The following PDE3A variants were observed in gnomAD, a reference collection of about 807,000 sequenced individuals.
PDE3A encodes cGMP-inhibited 3',5'-cyclic phosphodiesterase 3A.
PDE3A carries 43 observed loss-of-function variants against 98.3 expected under a neutral mutation model. The ratio of observed to expected loss-of-function variants is 0.44; its 90% confidence interval spans 0.34 to 0.56. The LOEUF is 0.56. PDE3A is among the 20% of genes least tolerant of loss of function. The pLI is 0.01. For missense variants in PDE3A, 1,427 were observed against 1,440.7 expected, an observed-to-expected ratio of 0.99 and a Z score of 0.15; for synonymous variants, 663 against 567.9, an observed-to-expected ratio of 1.17 and a Z score of -2.38.
intron 15 of PDE3A, among the ~76,000 whole-genome samples, chr12:20,665,654 G>A (rs1945289377): frequency 6.6e-6 from 1 of 152,056 alleles, no homozygotes; most frequent in South Asian, 2.1e-4. Flanking sequence ...ATTTTCCAAA[G>A]TAGATGTAAA....
chr12:20,653,448 C>T (rs1038539923), intron 14 of PDE3A, among the ~76,000 whole-genome samples: 3 of 151,970 alleles, frequency 2.0e-5, no homozygotes, highest in Non-Finnish European at 4.4e-5. Flanking sequence ...CCGCAACCTC[C>T]GCCTCCTGGG....
intron 15 of PDE3A, among the ~76,000 whole-genome samples, chr12:20,676,498 C>CTTTT (rs60887487): frequency 6.4e-5 from 7 of 109,216 alleles, no homozygotes; most frequent in African/African-American, 1.4e-4. Flanking sequence ...ATGTCTTTGA[C>CTTTT]TTTTTTTTTT....
chr12:20,542,614 A>C (rs1355981339), intron 1 of PDE3A, among the ~76,000 whole-genome samples: 3 of 152,110 alleles, frequency 2.0e-5, no homozygotes, highest in African/African-American at 2.4e-5. Flanking sequence ...AATGCAATAC[A>C]TCACAATGTT....
chr12:20,635,908 G>A (rs574169783), intron 8 of PDE3A, among the ~76,000 whole-genome samples: 1 of 151,980 alleles, frequency 6.6e-6, no homozygotes, highest in South Asian at 2.1e-4. Context: ...CTATTATCTG[G>A]TGATTAGAAG....
intron 1 of PDE3A, among the ~76,000 whole-genome samples, chr12:20,416,125 T>TATGGATGCATACTGCATTGATG (rs1944418345): frequency 6.6e-6 from 1 of 152,212 alleles, no homozygotes; most frequent in Non-Finnish European, 1.5e-5. Context: ...AGCTCTGCAG[T>TATGGATGCATACTGCATTGATG]ATCCAAAGCA....
At chr12:20,674,336 A>C (rs1470735578) in intron 15 of PDE3A, among the ~76,000 whole-genome samples, 2 of 152,162 alleles carry the variant, frequency 1.3e-5, no homozygotes, top group African/African-American at 4.8e-5. Flanking sequence ...TACAATTTTG[A>C]ATAGCAGCAG....
chr12:20,483,302 T>C (rs1289234449), intron 1 of PDE3A, among the ~76,000 whole-genome samples: 1 of 152,118 alleles, frequency 6.6e-6, no homozygotes, highest in East Asian at 1.9e-4. Context: ...GCCAGGAGAA[T>C]TGTTTGAACC....
At position 20,687,544 on chromosome 12, in the gene PDE3A, T is replaced by C. The variant is rs1199534908; in HGVS notation, c.*7273T>C. On this transcript the variant is annotated 3_prime_UTR_variant, in exon 16 of 16. Transcript: ENST00000359062. Reference sequence around the variant, plus strand: ...ACTGTCAGTTTATGTCTTAATGTATTCTCACAGAAGAATGCATACCATTTT... The same window carrying C: ...ACTGTCAGTTTATGTCTTAATGTATCCTCACAGAAGAATGCATACCATTTT... Among the ~76,000 whole-genome samples, 1 of 152,028 alleles carries C rather than the reference T, an allele frequency of 6.6e-6. No homozygotes were observed. Among genetic ancestry groups the C allele is most frequent in the Non-Finnish European group, 1.5e-5 (1 of 67,962 alleles).
At chr12:20,506,602 T>C (rs892332682) in intron 1 of PDE3A, among the ~76,000 whole-genome samples, 2 of 152,232 alleles carry the variant, frequency 1.3e-5, no homozygotes, top group East Asian at 3.9e-4. Flanking sequence ...TTTATAATTT[T>C]ATAGACGAAT....
At chr12:20,412,949 C>T (rs972259215) in intron 1 of PDE3A, among the ~76,000 whole-genome samples, 1 of 152,192 alleles carries the variant, frequency 6.6e-6, no homozygotes, top group Non-Finnish European at 1.5e-5. Flanking sequence ...TATATTAGCT[C>T]ATACCACATA....
At chr12:20,533,727 CG>C (rs200715607) in intron 1 of PDE3A, among the ~76,000 whole-genome samples, 4 of 151,514 alleles carry the variant, frequency 2.6e-5, no homozygotes, top group Non-Finnish European at 4.4e-5. Context: ...TGATCCGCCC[CG>C]CCCCCCTTTG....
chr12:20,402,915 A>G (rs545537414), intron 1 of PDE3A, among the ~76,000 whole-genome samples: 3 of 152,304 alleles, frequency 2.0e-5, no homozygotes, highest in Admixed American at 2.0e-4. Flanking sequence ...TATATTTAAA[A>G]CTCAAAATAG....
At chr12:20,576,692 C>T (rs1010726394) in intron 2 of PDE3A, among the ~76,000 whole-genome samples, 29 of 152,016 alleles carry the variant, frequency 1.9e-4, no homozygotes, top group African/African-American at 6.5e-4. Context: ...GCTCAATTTA[C>T]GGATATTCAC....
At chr12:20,536,830 G>T (rs1406256056) in intron 1 of PDE3A, among the ~76,000 whole-genome samples, 4 of 152,036 alleles carry the variant, frequency 2.6e-5, no homozygotes, top group Non-Finnish European at 5.9e-5. Context: ...TGGCTATTAT[G>T]AATAATGCTG....
chr12:20,392,901 T>G (rs962258652), intron 1 of PDE3A, among the ~76,000 whole-genome samples: 2 of 151,940 alleles, frequency 1.3e-5, no homozygotes, highest in African/African-American at 4.8e-5. Flanking sequence ...AAGTTCTCAC[T>G]TATATGTGGG....
chr12:20,396,547 A>G (rs540567288), intron 1 of PDE3A, among the ~76,000 whole-genome samples: 46 of 152,302 alleles, frequency 3.0e-4, no homozygotes, highest in African/African-American at 1.0e-3. Flanking sequence ...CTTCCAGTTG[A>G]CAAAAACTGG....
intron 1 of PDE3A, among the ~76,000 whole-genome samples, chr12:20,505,338 C>T (rs1457777519): frequency 1.3e-5 from 2 of 151,992 alleles, no homozygotes; most frequent in Non-Finnish European, 2.9e-5. Flanking sequence ...TTGTTTTTGT[C>T]ACTGTACCTC....
chr12:20,569,374 A>T (rs1016752844), intron 2 of PDE3A, among the ~76,000 whole-genome samples: 3 of 152,086 alleles, frequency 2.0e-5, no homozygotes, highest in African/African-American at 7.2e-5. Context: ...GATGTTCTAT[A>T]TATTTTTATT....
intron 1 of PDE3A, among the ~76,000 whole-genome samples, chr12:20,478,125 G>A (rs1591972906): frequency 6.6e-6 from 1 of 152,272 alleles, no homozygotes; most frequent in East Asian, 1.9e-4. Context: ...TGTGAGAGAA[G>A]GATAATTAGC....
Sources: allele counts gnomAD v4.1 joint callset (sites outside exome capture counted in the v4.1 genomes callset), GRCh38; gene constraint gnomAD v4.1.1; transcripts MANE v1.5; gene names NCBI Gene and HGNC (gene_info 2026-07-23, HGNC 2026-07-21).